KCNT2: variants seen among roughly 807,000 people sequenced by gnomAD.
KCNT2 encodes potassium sodium-activated channel subfamily T member 2.
In KCNT2, 67 loss-of-function variants were observed where a neutral mutation model predicts 153.8. The observed-to-expected ratio is 0.44, with a 90% CI of 0.36 to 0.53. The LOEUF is 0.53. Among genes scored for constraint, KCNT2 ranks in the 20% least tolerant of loss-of-function variants. The pLI, the probability that KCNT2 is intolerant of heterozygous loss-of-function variation, is 0.00. For missense variants in KCNT2, 975 were observed against 1,354.8 expected, an observed-to-expected ratio of 0.72 and a Z score of 4.40; for synonymous variants, 500 against 458.8, an observed-to-expected ratio of 1.09 and a Z score of -1.15.
intron 1 of KCNT2, among the ~76,000 whole-genome samples, chr1:196,553,394 A>T (rs1658212235): frequency 6.6e-6 from 1 of 151,104 alleles, no homozygotes; most frequent in Non-Finnish European, 1.5e-5. Flanking sequence ...TATGTAAGGC[A>T]AAATATTACT....
At chr1:196,559,061 C>CAA (rs1335309700) in intron 1 of KCNT2, among the ~76,000 whole-genome samples, 1 of 143,342 alleles carries the variant, frequency 7.0e-6, no homozygotes, top group Non-Finnish European at 1.5e-5. Context: ...TACTTGGAAA[C>CAA]AAAAAAAAAA....
chr1:196,441,277 C>A (rs1026416703), intron 8 of KCNT2, among the ~76,000 whole-genome samples: 4 of 151,480 alleles, frequency 2.6e-5, no homozygotes, highest in Non-Finnish European at 5.9e-5. Context: ...AGATTCATGG[C>A]ATATATCATA....
chr1:196,334,793 G>T (rs965483989), intron 16 of KCNT2, among the ~76,000 whole-genome samples: 6 of 152,020 alleles, frequency 3.9e-5, no homozygotes, highest in Non-Finnish European at 5.9e-5. Flanking sequence ...CAAATAAATG[G>T]ATAATTGTAG....
intron 1 of KCNT2, among the ~76,000 whole-genome samples, chr1:196,588,522 A>T (rs1662958589): frequency 6.6e-6 from 1 of 152,042 alleles, no homozygotes. Context: ...CTTATTGCAA[A>T]CATTCTGTTG....
At chr1:196,331,451 A>C (rs1355719335) in intron 17 of KCNT2, among the ~76,000 whole-genome samples, 190 bp from the exon 18 acceptor site, 1 of 152,034 alleles carries the variant, frequency 6.6e-6, no homozygotes, top group Admixed American at 6.6e-5. Flanking sequence ...GGCCCTCCAC[A>C]TGGTTTTGAA....
chr1:196,508,118 G>T lies in KCNT2; in HGVS notation c.96-15777C>A, dbSNP rs192371813. On this transcript the variant is annotated intron_variant, in intron 1 of 27. Coordinates refer to ENST00000294725, the MANE Select transcript of KCNT2 (RefSeq NM_198503.5). Reference sequence around the variant, plus strand: ...TAAGTATTAATACATAACAGAGGTGGTATGGCTGAACAGTAGTAAAAAAGA... The same window carrying T: ...TAAGTATTAATACATAACAGAGGTGTTATGGCTGAACAGTAGTAAAAAAGA... 3.1e-3 allele frequency among the ~76,000 whole-genome samples: 460 copies of T among 147,636 alleles called. 4 individuals are homozygous for T. The highest frequency in any genetic ancestry group is 0.011 in the African/African-American group (443 of 40,060).
intron 20 of KCNT2, among the ~76,000 whole-genome samples, chr1:196,318,225 G>T (rs1182449192): frequency 6.6e-6 from 1 of 151,684 alleles, no homozygotes; most frequent in Non-Finnish European, 1.5e-5. Flanking sequence ...ACTAGAATGT[G>T]AAGTACGTAA....
chr1:196,236,107 T>C (rs1185823036), intron 26 of KCNT2, 37 bp from the exon 27 acceptor site: 2 of 1,098,124 alleles, frequency 1.8e-6, no homozygotes, highest in Admixed American at 1.7e-5. Flanking sequence ...GTTATACTGC[T>C]TATAGAAAAT....
intron 26 of KCNT2, among the ~76,000 whole-genome samples, chr1:196,252,591 A>G (rs528460522): frequency 6.6e-6 from 1 of 151,744 alleles, no homozygotes; most frequent in South Asian, 2.1e-4. Flanking sequence ...TGTACTAAAA[A>G]CCACACAATG....
At chr1:196,567,296 A>G (rs1015272636) in intron 1 of KCNT2, among the ~76,000 whole-genome samples, 3 of 151,994 alleles carry the variant, frequency 2.0e-5, no homozygotes, top group African/African-American at 2.4e-5. Context: ...CTAGACCACT[A>G]TGCTTTCTTC....
intron 3 of KCNT2, among the ~76,000 whole-genome samples, chr1:196,483,128 AG>A (rs1262921743): frequency 2.6e-5 from 4 of 152,182 alleles, no homozygotes; most frequent in Non-Finnish European, 2.9e-5. Context: ...GAAGAGAGGC[AG>A]GTGAATGGTA....
chr1:196,344,187 G>T (rs1665937915), intron 14 of KCNT2, among the ~76,000 whole-genome samples: 2 of 152,172 alleles, frequency 1.3e-5, no homozygotes, highest in Non-Finnish European at 2.9e-5. Context: ...GTAACACAAA[G>T]AAATCACTTG....
chr1:196,329,927 A>G (rs1664279491), intron 18 of KCNT2, among the ~76,000 whole-genome samples: 1 of 130,852 alleles, frequency 7.6e-6, no homozygotes, highest in Non-Finnish European at 1.6e-5. Context: ...GCCCATTGAA[A>G]TGGATAATTC....
chr1:196,243,208 C>A (rs1655112437), intron 26 of KCNT2, among the ~76,000 whole-genome samples: 1 of 152,136 alleles, frequency 6.6e-6, no homozygotes, highest in Non-Finnish European at 1.5e-5. Flanking sequence ...TACTTTGATA[C>A]TAATATAGCC....
At chr1:196,569,857 T>C (rs1660555602) in intron 1 of KCNT2, among the ~76,000 whole-genome samples, 1 of 152,146 alleles carries the variant, frequency 6.6e-6, no homozygotes, top group Non-Finnish European at 1.5e-5. Context: ...TTACATATGC[T>C]GCTAGAAATT....
intron 1 of KCNT2, among the ~76,000 whole-genome samples, chr1:196,561,092 T>C (rs1659318390): frequency 6.6e-6 from 1 of 151,798 alleles, no homozygotes. Context: ...TATTTCAAAA[T>C]TACTAAAAGA....
chr1:196,435,094 G>T (rs1028418978), intron 8 of KCNT2, among the ~76,000 whole-genome samples: 1 of 133,888 alleles, frequency 7.5e-6, no homozygotes. Flanking sequence ...TAAGTTTAGG[G>T]GTGTTTTGCT....
intron 17 of KCNT2, among the ~76,000 whole-genome samples, chr1:196,333,541 T>C (rs1026622575): frequency 6.6e-6 from 1 of 152,046 alleles, no homozygotes; most frequent in Non-Finnish European, 1.5e-5. Context: ...CATACAATTA[T>C]GAAAATGAAG....
At chr1:196,400,141 C>G (rs1205123970) in intron 12 of KCNT2, among the ~76,000 whole-genome samples, 2 of 151,706 alleles carry the variant, frequency 1.3e-5, no homozygotes, top group African/African-American at 4.8e-5. Flanking sequence ...AATAATTCTA[C>G]TAAGATTCAT....
Sources: allele counts gnomAD v4.1 joint callset (sites outside exome capture counted in the v4.1 genomes callset), GRCh38; gene constraint gnomAD v4.1.1; transcripts MANE v1.5; gene names NCBI Gene and HGNC (gene_info 2026-07-23, HGNC 2026-07-21).